Variants in DDAH1 observed in about 807,000 individuals in gnomAD.
DDAH1 encodes the protein dimethylarginine dimethylaminohydrolase 1.
DDAH1 carries 19 observed loss-of-function variants against 28.8 expected under a neutral mutation model. The ratio of observed to expected loss-of-function variants is 0.66; its 90% CI spans 0.46 to 0.97. DDAH1 has a LOEUF of 0.97. DDAH1 is among the 50% of genes least tolerant of loss of function. The pLI is 0.00. For missense variants in DDAH1, 326 were observed against 375.9 expected (o/e 0.87, Z 1.10); for synonymous variants, 153 against 154.4 (o/e 0.99, Z 0.07).
At chr1:85,326,531 C>T (rs1031766008) in intron 4 of DDAH1, among the ~76,000 whole-genome samples, 1 of 152,202 alleles carries the variant, frequency 6.6e-6, no homozygotes, top group African/African-American at 2.4e-5. Flanking sequence ...CAGATCTGTG[C>T]AACTCAAAAC....
At chr1:85,483,524 ATT>A (rs1356572143) in intron 2 of DDAH1, among the ~76,000 whole-genome samples, 1 of 152,162 alleles carries the variant, frequency 6.6e-6, no homozygotes, top group Non-Finnish European at 1.5e-5. Context: ...TAGATGTGAC[ATT>A]TTTTGGATTT....
intron 3 of DDAH1, 80 bp from the exon 4 acceptor site, chr1:85,350,614 C>T (rs1649145196): frequency 3.4e-6 from 5 of 1,470,784 alleles, no homozygotes; most frequent in Non-Finnish European, 4.6e-6. Context: ...CTGAAATACA[C>T]CTACTTCTTG....
chr1:85,528,577 A>C (rs1174428406), intron 1 of DDAH1, among the ~76,000 whole-genome samples: 1 of 151,860 alleles, frequency 6.6e-6, no homozygotes, highest in Non-Finnish European at 1.5e-5. Flanking sequence ...AAAGAGGAAG[A>C]CAGACATGCA....
At chr1:85,358,877 A>G in intron 1 of DDAH1, 30 bp from the exon 2 acceptor site, 1 of 1,500,654 alleles carries the variant, frequency 6.7e-7, no homozygotes, top group Non-Finnish European at 9.1e-7. Context: ...TCAGATTACT[A>G]TGCTACAATT....
chr1:85,448,418 T>C (rs1026418655), intron 1 of DDAH1, among the ~76,000 whole-genome samples: 2 of 152,210 alleles, frequency 1.3e-5, no homozygotes, highest in Non-Finnish European at 2.9e-5. Flanking sequence ...GAAAATCTGG[T>C]TGGTTTATTT....
At chr1:85,572,259 T>C (rs1009143937) in intron 1 of DDAH1, among the ~76,000 whole-genome samples, 2 of 152,108 alleles carry the variant, frequency 1.3e-5, no homozygotes, top group African/African-American at 4.8e-5. Flanking sequence ...ATTAAGAAAC[T>C]GTGGGCCACA....
chr1:85,346,792 G>A (rs1253424269), intron 4 of DDAH1, among the ~76,000 whole-genome samples: 5 of 152,130 alleles, frequency 3.3e-5, no homozygotes, highest in African/African-American at 4.8e-5. Flanking sequence ...AGGAGCTTCT[G>A]CACAGCAAAA....
At chr1:85,475,850 T>G (rs1387364442) in intron 2 of DDAH1, among the ~76,000 whole-genome samples, 1 of 152,102 alleles carries the variant, frequency 6.6e-6, no homozygotes, top group Non-Finnish European at 1.5e-5. Context: ...TGTTCGTTTG[T>G]TTTTGGTTTT....
At chr1:85,323,943 T>G (rs1038879851) in intron 5 of DDAH1, among the ~76,000 whole-genome samples, 14 of 146,308 alleles carry the variant, frequency 9.6e-5, no homozygotes. Context: ...CACTCCAGAC[T>G]TGGCAACAGA....
intron 1 of DDAH1, among the ~76,000 whole-genome samples, chr1:85,499,623 C>T (rs1656723999): frequency 1.3e-5 from 2 of 149,528 alleles, no homozygotes; most frequent in African/African-American, 2.5e-5. Context: ...TGCAGTGAGC[C>T]AAGATCGCAC....
At chr1:85,520,780 T>C (rs1295347489) in intron 1 of DDAH1, among the ~76,000 whole-genome samples, 4 of 152,222 alleles carry the variant, frequency 2.6e-5, no homozygotes, top group African/African-American at 4.8e-5. Context: ...CCTTCTGAAA[T>C]TCTGAAGAGC....
chr1:85,347,338 T>G (rs1036751012), intron 4 of DDAH1, among the ~76,000 whole-genome samples: 2 of 152,242 alleles, frequency 1.3e-5, no homozygotes, highest in African/African-American at 4.8e-5. Flanking sequence ...GTGGCACTAT[T>G]CACAATAGCA....
At chr1:85,465,168 A>AGGAGCCCAGCTCGCGCCC (rs1570579263), upstream of DDAH1, 1 of 1,146,742 alleles carries the variant, frequency 8.7e-7, no homozygotes. Context: ...GTGGTGCAGA[A>AGGAGCCCAGCTCGCGCCC]GGAGCCCAGC....
At chr1:85,475,766 T>C (rs1457269004) in intron 2 of DDAH1, among the ~76,000 whole-genome samples, 1 of 152,224 alleles carries the variant, frequency 6.6e-6, no homozygotes, top group East Asian at 1.9e-4. Context: ...AAACTTCTAG[T>C]GGCTTTATGG....
chr1:85,565,477 G>A (rs948110465), intron 1 of DDAH1, among the ~76,000 whole-genome samples: 1 of 152,108 alleles, frequency 6.6e-6, no homozygotes, highest in African/African-American at 2.4e-5. Flanking sequence ...GTGATAAGAT[G>A]CCACTCTTGG....
chr1:85,570,518 C>A (rs1476387971), intron 1 of DDAH1, among the ~76,000 whole-genome samples: 1 of 152,174 alleles, frequency 6.6e-6, no homozygotes, highest in Non-Finnish European at 1.5e-5. Context: ...AACTCCCAAC[C>A]ATTTTTTAAA....
intron 1 of DDAH1, among the ~76,000 whole-genome samples, chr1:85,397,843 T>C (rs963481920): frequency 3.3e-5 from 5 of 152,168 alleles, no homozygotes; most frequent in Non-Finnish European, 7.4e-5. Context: ...TAGGGCCTGG[T>C]GGGAGGCCTC....
At chr1:85,423,984 C>A (rs958458899) in intron 1 of DDAH1, among the ~76,000 whole-genome samples, 1 of 152,094 alleles carries the variant, frequency 6.6e-6, no homozygotes, top group East Asian at 1.9e-4. Context: ...CATCACATAT[C>A]TTTTCTTCTT....
chr1:85,381,768 G>C (rs1651008556), intron 1 of DDAH1, among the ~76,000 whole-genome samples: 1 of 151,964 alleles, frequency 6.6e-6, no homozygotes, highest in Admixed American at 6.6e-5. Flanking sequence ...CATCAAGCAA[G>C]TCTATTGATG....
Sources: gnomAD v4.1 joint callset for allele counts (sites outside exome capture counted in the v4.1 genomes callset) on GRCh38, gnomAD v4.1.1 for gene constraint, MANE v1.5 for transcripts, NCBI Gene and HGNC (gene_info 2026-07-23, HGNC 2026-07-21) for gene names.